Variants in ACTR3C observed in about 807,000 individuals in gnomAD.
ACTR3C encodes the protein actin related protein 3C, also known as actin-related protein 3C.
Under a neutral mutation model 26.3 loss-of-function variants are expected in ACTR3C, and 18 were observed. The ratio of observed to expected loss-of-function variants is 0.68; its 90% CI spans 0.47 to 1.01. The LOEUF (loss-of-function observed/expected upper bound fraction) is 1.01. Among genes scored for constraint, ACTR3C ranks in the 50% least tolerant of loss-of-function variants. The pLI is 0.00. For synonymous variants in ACTR3C, 55 were observed against 94.5 expected, an observed-to-expected ratio of 0.58 and a Z score of 2.42; for missense variants, 184 against 250.7, an observed-to-expected ratio of 0.73 and a Z score of 1.80.
the ACTR3C span, among the ~76,000 whole-genome samples, chr7:150,092,754 T>C: frequency 0.022 from 3,223 of 147,468 alleles, 174 homozygotes; most frequent in East Asian, 0.077. Context: ...CAACGGAATA[T>C]GGGCTAAAGT....
chr7:150,058,429 G>T, the ACTR3C span, among the ~76,000 whole-genome samples: 1 of 152,128 alleles, frequency 6.6e-6, no homozygotes, highest in Non-Finnish European at 1.5e-5. Flanking sequence ...CAAGTTAAGG[G>T]TGTCCACTTG....
At chr7:149,918,488 C>T in the ACTR3C span, among the ~76,000 whole-genome samples, 6 of 152,164 alleles carry the variant, frequency 3.9e-5, no homozygotes, top group African/African-American at 7.2e-5. Context: ...GTCGGGAGTT[C>T]GAGACCAGGC....
At chr7:149,895,608 G>A in the ACTR3C span, among the ~76,000 whole-genome samples, 1 of 152,128 alleles carries the variant, frequency 6.6e-6, no homozygotes, top group Non-Finnish European at 1.5e-5. Flanking sequence ...GCTAAGGCAG[G>A]AGGATAGCTT....
At chr7:149,992,788 T>C in the ACTR3C span, among the ~76,000 whole-genome samples, 192 of 152,246 alleles carry the variant, frequency 1.3e-3, no homozygotes, top group African/African-American at 4.3e-3. Context: ...GAGAATTGTC[T>C]CACATGCTCA....
the ACTR3C span, among the ~76,000 whole-genome samples, chr7:149,993,564 A>C: frequency 6.6e-6 from 1 of 151,774 alleles, no homozygotes; most frequent in Admixed American, 6.6e-5. Context: ...TGGTTTTAGG[A>C]ACAGGACAGA....
the ACTR3C span, among the ~76,000 whole-genome samples, chr7:150,117,322 A>C: frequency 6.6e-6 from 1 of 152,236 alleles, no homozygotes. Context: ...CAATAAGCTA[A>C]GATCTACTGG....
chr7:150,107,690 C>A, the ACTR3C span, among the ~76,000 whole-genome samples: 1 of 151,242 alleles, frequency 6.6e-6, no homozygotes, highest in East Asian at 1.9e-4. Context: ...CCAAGTATAC[C>A]GGGGAAGGAG....
the ACTR3C span, among the ~76,000 whole-genome samples, chr7:149,931,226 G>A: frequency 6.6e-6 from 1 of 152,214 alleles, no homozygotes; most frequent in Admixed American, 6.5e-5. Context: ...GGCTTCTGTA[G>A]GTCAGGGAGG....
the ACTR3C span, among the ~76,000 whole-genome samples, chr7:149,934,346 C>A: frequency 6.6e-6 from 1 of 152,166 alleles, no homozygotes; most frequent in African/African-American, 2.4e-5. Context: ...AGTTTGACTC[C>A]GTACCTGCTG....
the ACTR3C span, among the ~76,000 whole-genome samples, chr7:150,117,464 A>T: frequency 9.9e-5 from 15 of 152,236 alleles, 1 homozygote; most frequent in Admixed American, 9.8e-4. Context: ...ACAAAGCCAC[A>T]GGGAAGTTCA....
chr7:150,095,150 C>T, the ACTR3C span, among the ~76,000 whole-genome samples: 8 of 149,274 alleles, frequency 5.4e-5, no homozygotes, highest in East Asian at 3.9e-4. Context: ...CCTAATTTTT[C>T]GATAAGCTAT....
rs1342061771 is a variant in ACTR3C at position 150,264,649 on chromosome 7, T to C, written c.565-15595A>G. The C allele has an allele frequency of 7.3e-6, 7 of 963,250 alleles. No homozygotes were observed. In the African/African-American group the frequency reaches 1.2e-4, roughly 17 times the overall value. 59.7% of individuals were successfully genotyped at this position (963,250 alleles called of 1,614,324 possible). Reference sequence around the variant, plus strand: ...ACAAGTTGAAGAAAACAAAAGTCCCTAAACCGAGTCGATTAAGACACTCAC... The same window carrying C: ...ACAAGTTGAAGAAAACAAAAGTCCCCAAACCGAGTCGATTAAGACACTCAC... On this transcript the variant is annotated intron_variant, in intron 6 of 7. Transcript: ENST00000683684.
At chr7:149,986,124 C>A in the ACTR3C span, among the ~76,000 whole-genome samples, 2 of 151,790 alleles carry the variant, frequency 1.3e-5, no homozygotes, top group African/African-American at 4.8e-5. Flanking sequence ...TCTGTGACCT[C>A]CAGATGATGG....
At chr7:150,033,834 T>C in the ACTR3C span, among the ~76,000 whole-genome samples, 2,967 of 113,650 alleles carry the variant, frequency 0.026, no homozygotes, top group African/African-American at 0.089. Context: ...CCCTGCCTCG[T>C]GGGGGGTGCC....
chr7:149,949,807 G>C, the ACTR3C span, among the ~76,000 whole-genome samples: 1 of 147,640 alleles, frequency 6.8e-6, no homozygotes, highest in African/African-American at 2.7e-5. Context: ...CAGGAGAAAT[G>C]ACAAACAAAG....
chr7:150,270,895 G>A (rs187865903), intron 6 of ACTR3C, among the ~76,000 whole-genome samples: 74 of 152,216 alleles, frequency 4.9e-4, no homozygotes, highest in African/African-American at 1.7e-3. Flanking sequence ...ATTTCTCACA[G>A]GTCATCTTTT....
At chr7:150,180,161 C>T in the ACTR3C span, among the ~76,000 whole-genome samples, 3 of 149,936 alleles carry the variant, frequency 2.0e-5, no homozygotes, top group Non-Finnish European at 2.9e-5. Context: ...AAAAATTAGC[C>T]GGGCGTGGTC....
chr7:150,117,935 G>T, the ACTR3C span, among the ~76,000 whole-genome samples: 2 of 152,206 alleles, frequency 1.3e-5, no homozygotes, highest in African/African-American at 4.8e-5. Flanking sequence ...GTGATACCCA[G>T]GCAAACAGGG....
the ACTR3C span, among the ~76,000 whole-genome samples, chr7:149,883,400 C>T: frequency 1.3e-5 from 2 of 151,862 alleles, no homozygotes; most frequent in African/African-American, 2.4e-5. Flanking sequence ...CAGATGCTCA[C>T]GGACCTACAC....
Sources: allele counts gnomAD v4.1 joint callset (sites outside exome capture counted in the v4.1 genomes callset), GRCh38; gene constraint gnomAD v4.1.1; transcripts MANE v1.5; gene names NCBI Gene and HGNC (gene_info 2026-07-23, HGNC 2026-07-21).